Variants in LDLRAD4 observed in about 807,000 individuals in gnomAD.
LDLRAD4 encodes low density lipoprotein receptor class A domain containing 4.
In LDLRAD4, 5 loss-of-function variants were observed where a neutral mutation model predicts 17.0. That is an observed-to-expected ratio of 0.29 (90% CI 0.15 to 0.62). The LOEUF (loss-of-function observed/expected upper bound fraction) is 0.62, where lower values mean the gene tolerates loss of function less well. Among genes scored for constraint, LDLRAD4 ranks in the 20% least tolerant of loss-of-function variants. The probability of loss-of-function intolerance (pLI) is 0.84; values close to 1 mark genes in which losing one functional copy is unlikely to be tolerated. For synonymous variants in LDLRAD4, 168 were observed against 171.8 expected, an observed-to-expected ratio of 0.98 and a Z score of 0.17; for missense variants, 340 against 424.7, an observed-to-expected ratio of 0.80 and a Z score of 1.75.
At chr18:13,486,507 A>G (rs1011321641) in intron 3 of LDLRAD4, 5 of 152,330 alleles carry the variant, frequency 3.3e-5, no homozygotes, top group Admixed American at 2.6e-4. Context: ...GGCCTGCTCC[A>G]CCAGGGAGAA....
chr18:13,373,155 A>ATGTGTGTG (rs35632499), intron 1 of LDLRAD4, among the ~76,000 whole-genome samples: 2,632 of 149,640 alleles, frequency 0.018, 59 homozygotes, highest in African/African-American at 0.046. Flanking sequence ...CAACTGTTTA[A>ATGTGTGTG]TGTGTGTGTG....
chr18:13,340,300 G>A (rs2082306915), intron 1 of LDLRAD4, among the ~76,000 whole-genome samples: 1 of 152,126 alleles, frequency 6.6e-6, no homozygotes, highest in Non-Finnish European at 1.5e-5. Flanking sequence ...TGGACTTGCT[G>A]GGACATATCG....
rs549776101 is a variant in LDLRAD4, at chr18:13,294,250, G to A, written c.-383+16062G>A. Reference sequence around the variant, plus strand: ...TGCATGGGAAGTGCAGTTTCTGTCCGCGATGAAAGGGCTGAAGGTGGTCCA... The same window carrying A: ...TGCATGGGAAGTGCAGTTTCTGTCCACGATGAAAGGGCTGAAGGTGGTCCA... On this transcript the variant is annotated intron_variant, in intron 1 of 5. Coordinates refer to ENST00000359446, the Ensembl canonical transcript of LDLRAD4. Among the ~76,000 whole-genome samples the A allele has an allele frequency of 3.4e-4, 52 of 152,346 alleles. No homozygotes were observed. The South Asian group carries it at 8.5e-3, about 25-fold the overall frequency.
At chr18:13,322,940 T>C (rs534054880) in intron 1 of LDLRAD4, among the ~76,000 whole-genome samples, 1 of 152,292 alleles carries the variant, frequency 6.6e-6, no homozygotes, top group Non-Finnish European at 1.5e-5. Flanking sequence ...TCTCACTTTT[T>C]TGTACTCGGC....
intron 1 of LDLRAD4, among the ~76,000 whole-genome samples, chr18:13,283,477 T>C (rs1473755862): frequency 6.6e-6 from 1 of 152,220 alleles, no homozygotes; most frequent in Non-Finnish European, 1.5e-5. Context: ...AGGGGCAAAA[T>C]GTTGCCAGTC....
intron 1 of LDLRAD4, among the ~76,000 whole-genome samples, chr18:13,382,295 A>G (rs892269356): frequency 6.6e-6 from 1 of 152,190 alleles, no homozygotes; most frequent in Non-Finnish European, 1.5e-5. Flanking sequence ...TCTTTTAATG[A>G]AAGATATAAT....
chr18:13,534,438 G>GT (rs1441363400), intron 3 of LDLRAD4, among the ~76,000 whole-genome samples: 1 of 151,990 alleles, frequency 6.6e-6, no homozygotes, highest in East Asian at 1.9e-4. Context: ...TGAATGAGTT[G>GT]TTTTTCTTAA....
intron 1 of LDLRAD4, among the ~76,000 whole-genome samples, chr18:13,363,697 T>C (rs570703556): frequency 1.3e-5 from 2 of 152,324 alleles, no homozygotes; most frequent in South Asian, 2.1e-4. Context: ...TGATAAAATA[T>C]GTAGTGTCAG....
At chr18:13,503,964 C>T (rs2093652270) in intron 3 of LDLRAD4, among the ~76,000 whole-genome samples, 1 of 151,960 alleles carries the variant, frequency 6.6e-6, no homozygotes, top group South Asian at 2.1e-4. Context: ...TCATATAGTA[C>T]ATAATACATG....
At chr18:13,455,582 G>A (rs555555306) in intron 3 of LDLRAD4, among the ~76,000 whole-genome samples, 5 of 152,112 alleles carry the variant, frequency 3.3e-5, no homozygotes, top group African/African-American at 4.8e-5. Context: ...AGGGTGGGTC[G>A]TCATTCCCTC....
At chr18:13,330,451 A>G (rs1178920186) in intron 1 of LDLRAD4, among the ~76,000 whole-genome samples, 1 of 151,948 alleles carries the variant, frequency 6.6e-6, no homozygotes, top group African/African-American at 2.4e-5. Flanking sequence ...CTGTTTCTTC[A>G]AGTCTTCTTT....
intron 3 of LDLRAD4, among the ~76,000 whole-genome samples, chr18:13,578,877 C>CAA (rs1285256260): frequency 4.3e-5 from 4 of 93,520 alleles, no homozygotes; most frequent in Non-Finnish European, 8.4e-5. Context: ...TGGTAGACCA[C>CAA]AAATCGCTGA....
chr18:13,243,099 C>G (rs56222543), intron 1 of LDLRAD4, among the ~76,000 whole-genome samples: 9 of 152,256 alleles, frequency 5.9e-5, no homozygotes, highest in Admixed American at 5.9e-4. Flanking sequence ...GGCTTTATGT[C>G]TGACTCCAGC....
At chr18:13,538,781 C>T (rs2094235366) in intron 3 of LDLRAD4, among the ~76,000 whole-genome samples, 1 of 152,198 alleles carries the variant, frequency 6.6e-6, no homozygotes, top group Admixed American at 6.5e-5. Flanking sequence ...CCACCTTGGC[C>T]TCCCAAAGTG....
intron 3 of LDLRAD4, among the ~76,000 whole-genome samples, chr18:13,606,507 C>T (rs1410433980): frequency 6.6e-6 from 1 of 152,174 alleles, no homozygotes; most frequent in Admixed American, 6.5e-5. Context: ...TGTTAACATT[C>T]CTACCAGACG....
chr18:13,351,785 C>T (rs2083050538), intron 1 of LDLRAD4, among the ~76,000 whole-genome samples: 1 of 152,118 alleles, frequency 6.6e-6, no homozygotes. Flanking sequence ...CATCCTGATA[C>T]CAAAACTTGG....
chr18:13,236,989 CT>C (rs2145604877), intron 1 of LDLRAD4, among the ~76,000 whole-genome samples: 1 of 152,230 alleles, frequency 6.6e-6, no homozygotes, highest in African/African-American at 2.4e-5. Context: ...AGGTAGAGTT[CT>C]GTTTTATATT....
chr18:13,448,703 G>C (rs111392627), intron 3 of LDLRAD4, among the ~76,000 whole-genome samples: 3 of 151,996 alleles, frequency 2.0e-5, no homozygotes, highest in Non-Finnish European at 4.4e-5. Context: ...CTTGCCGTTC[G>C]GCTGGGAGGT....
At chr18:13,510,782 T>G (rs918052113) in intron 3 of LDLRAD4, among the ~76,000 whole-genome samples, 1 of 152,216 alleles carries the variant, frequency 6.6e-6, no homozygotes, top group Non-Finnish European at 1.5e-5. Context: ...GGGCTGGTGA[T>G]GGACTGTCTG....
Sources: allele counts gnomAD v4.1 joint callset (sites outside exome capture counted in the v4.1 genomes callset), GRCh38; gene constraint gnomAD v4.1.1; transcripts MANE v1.5; gene names NCBI Gene and HGNC (gene_info 2026-07-23, HGNC 2026-07-21).